The following TMEM131 variants were observed in gnomAD, a reference collection of about 807,000 sequenced individuals.
TMEM131 encodes the protein 2610524E03Rik.
TMEM131 carries 66 observed loss-of-function variants against 211.6 expected under a neutral mutation model. The observed-to-expected ratio is 0.31, with a 90% CI of 0.26 to 0.38. The LOEUF (loss-of-function observed/expected upper bound fraction) is 0.38. TMEM131 is among the 10% of genes least tolerant of loss of function. The probability of loss-of-function intolerance (pLI) is 1.00; values close to 1 mark genes in which losing one functional copy is unlikely to be tolerated. For synonymous variants in TMEM131, 844 were observed against 841.3 expected (o/e 1.00, Z -0.06); for missense variants, 2,036 against 2,299.3 (o/e 0.89, Z 2.34).
chr2:97,957,959 G>C (rs1431455081), intron 1 of TMEM131, among the ~76,000 whole-genome samples: 2 of 152,196 alleles, frequency 1.3e-5, no homozygotes, highest in Non-Finnish European at 2.9e-5. Context: ...TCAAGTACTG[G>C]GTGCTCCAGG....
chr2:97,984,563 A>C (rs1353095980), intron 1 of TMEM131, among the ~76,000 whole-genome samples: 1 of 152,090 alleles, frequency 6.6e-6, no homozygotes, highest in Non-Finnish European at 1.5e-5. Flanking sequence ...TGTGCAGATC[A>C]CATGGCGGCA....
intron 35 of TMEM131, among the ~76,000 whole-genome samples, chr2:97,765,840 T>C (rs1295330153): frequency 6.6e-6 from 1 of 151,998 alleles, no homozygotes; most frequent in East Asian, 1.9e-4. Flanking sequence ...TTTTGCACAT[T>C]GGGCAGTGGT....
At chr2:97,837,785 C>G (rs920730075) in intron 7 of TMEM131, among the ~76,000 whole-genome samples, 4 of 151,994 alleles carry the variant, frequency 2.6e-5, no homozygotes, top group African/African-American at 9.7e-5. Context: ...GAATCCTGAC[C>G]TATGTGTTTG....
At chr2:97,970,345 G>A (rs961757815) in intron 1 of TMEM131, among the ~76,000 whole-genome samples, 1 of 152,148 alleles carries the variant, frequency 6.6e-6, no homozygotes, top group Non-Finnish European at 1.5e-5. Flanking sequence ...GCAAGGTGCG[G>A]GAGGAGGTAA....
chr2:97,954,311 G>A lies in TMEM131; in HGVS notation c.188-26824C>T, dbSNP rs181289659. On this transcript the variant is annotated intron_variant, in intron 1 of 40. Coordinates refer to ENST00000186436, the MANE Select transcript of TMEM131 (RefSeq NM_015348.2). ...TGAAGACACAAAGCACAACCATCAG[G>A]AATGAAACAAGGGATAGCTTCATAC... Among the ~76,000 whole-genome samples the A allele has an allele frequency of 3.2e-3, 489 of 152,230 alleles. 2 individuals carry two copies. The highest frequency in any genetic ancestry group is 4.9e-3 in the Non-Finnish European group (334 of 68,020).
intron 4 of TMEM131, among the ~76,000 whole-genome samples, chr2:97,879,182 C>T (rs1379231835): frequency 4.6e-5 from 7 of 152,160 alleles, no homozygotes; most frequent in Non-Finnish European, 4.4e-5. Flanking sequence ...ACACAGAATG[C>T]AAGGCTGAAG....
At chr2:97,909,541 GT>G (rs1676210843) in intron 2 of TMEM131, among the ~76,000 whole-genome samples, 1 of 152,146 alleles carries the variant, frequency 6.6e-6, no homozygotes, top group African/African-American at 2.4e-5. Context: ...TCTTATTGAT[GT>G]ACGAGAAAAT....
chr2:97,901,237 G>A (rs1049355278), intron 3 of TMEM131, among the ~76,000 whole-genome samples: 1 of 152,118 alleles, frequency 6.6e-6, no homozygotes, highest in Non-Finnish European at 1.5e-5. Flanking sequence ...TTTTTAAATG[G>A]GGATATTTTT....
intron 31 of TMEM131, 57 bp from the exon 32 acceptor site, chr2:97,776,075 A>T (rs1679711221): frequency 1.3e-6 from 2 of 1,545,430 alleles, no homozygotes; most frequent in African/African-American, 2.8e-5. Flanking sequence ...TTTTTTTGAG[A>T]TGGAGTCTTG....
chr2:97,939,174 A>T (rs144152610), intron 1 of TMEM131, among the ~76,000 whole-genome samples: 11,288 of 152,264 alleles, frequency 0.074, 504 homozygotes, highest in Middle Eastern at 0.12. Context: ...GAAATAACTA[A>T]GATCAGAGCA....
chr2:97,849,608 T>A (rs149417765), intron 5 of TMEM131, among the ~76,000 whole-genome samples: 1 of 152,056 alleles, frequency 6.6e-6, no homozygotes, highest in African/African-American at 2.4e-5. Context: ...TGAATTTCAC[T>A]GCAAGTATAC....
intron 4 of TMEM131, among the ~76,000 whole-genome samples, chr2:97,880,703 G>C (rs1264171845): frequency 6.6e-6 from 1 of 152,102 alleles, no homozygotes; most frequent in Non-Finnish European, 1.5e-5. Flanking sequence ...GTAAGTGAGG[G>C]GGGATGACAG....
chr2:97,860,632 T>C (rs1352945750), intron 4 of TMEM131, among the ~76,000 whole-genome samples: 3 of 152,172 alleles, frequency 2.0e-5, no homozygotes, highest in African/African-American at 7.2e-5. Context: ...AATTCAAGAC[T>C]TGGGAAAGTT....
At chr2:97,993,569 C>T (rs965947764) in intron 1 of TMEM131, among the ~76,000 whole-genome samples, 11 of 152,202 alleles carry the variant, frequency 7.2e-5, no homozygotes, top group Non-Finnish European at 1.5e-4. Context: ...TCAGCATCAT[C>T]TCCATTAATA....
At position 97,995,623 on chromosome 2, in the gene TMEM131, T is replaced by G; in HGVS notation, c.40A>C (p.Thr14Pro). ...CCGGCGGACGTGGAGACGGCGGCGG[T>G]GGTGGCTCCGGTTGCTCCTCCTCCC... is the stretch of plus-strand genomic sequence containing the variant. ...RAGGGATGAT[T>P]AAVSTSAGAG... The change falls in exon 1 of 41, where the codon ACC becomes CCC. Residue 14 changes from threonine to proline, a missense_variant. By Grantham distance (38) the Thr-to-Pro change is conservative (BLOSUM62 -1). Transcript: ENST00000186436. The G allele has an allele frequency of 8.1e-7, 1 of 1,232,838 alleles. No individual in the cohort carries two copies. Among genetic ancestry groups the G allele is most frequent in the Non-Finnish European group, 1.0e-6 (1 of 987,992 alleles). The allele number at this position is 1,232,838 out of a possible 1,614,324, so 76.4% of individuals were successfully genotyped here.
At position 97,799,272 on chromosome 2, in the gene TMEM131, A is replaced by T. The variant is rs182339974; in HGVS notation, c.2719-1756T>A. ...TTTTCAGTGTCATTCATTTGTATTT[A>T]AAAAAAAAAAAAGTCCTCGATTATG... is the stretch of plus-strand genomic sequence containing the variant. On this transcript the variant is annotated intron_variant, in intron 25 of 40. Transcript: ENST00000186436. 7.8e-4 allele frequency among the ~76,000 whole-genome samples: 111 copies of T among 142,250 alleles called. 1 individual carries two copies. Among genetic ancestry groups the T allele is most frequent in the African/African-American group, 2.5e-3 (98 of 39,246 alleles). The allele number at this position is 142,250 out of a possible 152,430, so 93.3% of individuals were successfully genotyped here. A position where few individuals can be genotyped will look rare whatever the true frequency, so the allele number is the denominator to read the frequency against.
intron 3 of TMEM131, among the ~76,000 whole-genome samples, chr2:97,908,396 A>C (rs2309316): frequency 0.78 from 118,012 of 152,066 alleles, 47,712 homozygotes; most frequent in African/African-American, 0.93. Flanking sequence ...ACAGCTGATC[A>C]TCTCACAAAG....
At chr2:97,988,294 T>C (rs1396660259) in intron 1 of TMEM131, among the ~76,000 whole-genome samples, 5 of 152,040 alleles carry the variant, frequency 3.3e-5, no homozygotes, top group Non-Finnish European at 7.4e-5. Flanking sequence ...TCTTACACCA[T>C]AAATAAAAGT....
At chr2:97,759,464 C>A (rs1678699315) in intron 39 of TMEM131, 188 bp downstream of exon 39, 2 of 590,604 alleles carry the variant, frequency 3.4e-6, no homozygotes, top group Admixed American at 3.0e-5. Context: ...CGAGCCTGGT[C>A]CACTGCCCCT....
Sources: gnomAD v4.1 joint callset for allele counts (sites outside exome capture counted in the v4.1 genomes callset) on GRCh38, gnomAD v4.1.1 for gene constraint, MANE v1.5 for transcripts, NCBI Gene and HGNC (gene_info 2026-07-23, HGNC 2026-07-21) for gene names.